PAFAH2: variants seen among roughly 807,000 people sequenced by gnomAD.
The protein encoded by PAFAH2 is platelet activating factor acetylhydrolase 2.
In PAFAH2, 42 loss-of-function variants were observed where a neutral mutation model predicts 49.0. The ratio of observed to expected loss-of-function variants is 0.86; its 90% confidence interval spans 0.67 to 1.11. The LOEUF (loss-of-function observed/expected upper bound fraction) is 1.11, where lower values mean the gene tolerates loss of function less well. Ranked by LOEUF, PAFAH2 falls within the 50% of genes least tolerant of loss-of-function variation. The pLI, the probability that PAFAH2 is intolerant of heterozygous loss-of-function variation, is 0.00. For synonymous variants in PAFAH2, 184 were observed against 181.3 expected, an observed-to-expected ratio of 1.01 and a Z score of -0.12; for missense variants, 503 against 501.8, an observed-to-expected ratio of 1.00 and a Z score of -0.02.
At chr1:25,984,577 G>T in intron 4 of PAFAH2, 49 bp from the exon 5 acceptor site, 1 of 1,433,734 alleles carries the variant, frequency 7.0e-7, no homozygotes, top group Non-Finnish European at 9.8e-7. Flanking sequence ...GAACAGCCCA[G>T]CCTTCACCCT....
Position 25,974,565 on chromosome 1 carries a change from T to C in PAFAH2, c.844A>G (p.Thr282Ala), listed in dbSNP as rs1269931053. 1 of 1,614,028 alleles carries C rather than the reference T, an allele frequency of 6.2e-7. No homozygotes were observed. Among genetic ancestry groups the C allele is most frequent in the Non-Finnish European group, 8.5e-7 (1 of 1,179,938 alleles). The change falls in exon 9 of 11, where the codon ACT (threonine) becomes GCT (alanine). Residue 282 changes from threonine (T) to alanine (A), a missense_variant. Thr to Ala is a moderately conservative substitution (Grantham distance 58, BLOSUM62 0). Coordinates refer to ENST00000374282, the MANE Select transcript of PAFAH2 (RefSeq NM_000437.4). Reference protein sequence around the residue: ...KARGPVFFINTEKFQTMESVN... With the variant: ...KARGPVFFINAEKFQTMESVN... ...CTCTCCATTGTCTGGAATTTCTCAG[T>C]ATTGATAAAGAACACAGGTCCTCGG... is the stretch of plus-strand genomic sequence containing the variant.
At chr1:25,983,778 C>G (rs377322795) in intron 6 of PAFAH2, among the ~76,000 whole-genome samples, 168 bp downstream of exon 6, 4 of 152,138 alleles carry the variant, frequency 2.6e-5, no homozygotes, top group Non-Finnish European at 4.4e-5. Context: ...TCTGTCACAG[C>G]AATTGCAAGA....
chr1:25,968,239 G>T (rs981834080), intron 10 of PAFAH2, among the ~76,000 whole-genome samples: 13 of 152,238 alleles, frequency 8.5e-5, no homozygotes, highest in African/African-American at 3.1e-4. Flanking sequence ...GCAGACAGAA[G>T]AGGATGGAAT....
chr1:25,972,489 T>C, intron 10 of PAFAH2, 69 bp downstream of exon 10: 1 of 1,518,162 alleles, frequency 6.6e-7, no homozygotes, highest in Non-Finnish European at 9.0e-7. Flanking sequence ...CATGTCAGAG[T>C]TCTCACTCTG....
intron 2 of PAFAH2, among the ~76,000 whole-genome samples, 175 bp from the exon 3 acceptor site, chr1:25,989,776 G>T (rs2049846981): frequency 6.6e-6 from 1 of 152,204 alleles, no homozygotes; most frequent in African/African-American, 2.4e-5. Flanking sequence ...GAAGCAATTT[G>T]ATTTTTAGCA....
chr1:25,994,902 A>G, intron 1 of PAFAH2, among the ~76,000 whole-genome samples: 1 of 152,214 alleles, frequency 6.6e-6, no homozygotes, highest in East Asian at 1.9e-4. Context: ...CTAATTGGCC[A>G]GAGTGAAGCT....
At position 25,988,283 on chromosome 1, in the gene PAFAH2, T is replaced by G; in HGVS notation, c.289A>C (p.Lys97Gln). 1.2e-6 allele frequency: 2 copies of G among 1,610,918 alleles called. No homozygotes were observed. The highest frequency in any genetic ancestry group is 1.7e-6 in the Non-Finnish European group (2 of 1,178,604). The change falls in exon 4 of 11, where the codon AAG becomes CAG. Residue 97 changes from lysine to glutamine, a missense_variant. Physicochemically the swap from Lys to Gln is moderately conservative, Grantham distance 53. Coordinates refer to ENST00000374282, the MANE Select transcript of PAFAH2 (RefSeq NM_000437.4). ...ATGATCAAGGGGTATCCAGAGTCCT[T>G]TGTCTTAAAGGGGCCATTCCAGCTA... Reference protein sequence around the residue: ...PVSWNGPFKTKDSGYPLIIFS... With the variant: ...PVSWNGPFKTQDSGYPLIIFS...
intron 1 of PAFAH2, among the ~76,000 whole-genome samples, chr1:25,996,570 AG>A (rs2049940012): frequency 6.6e-6 from 1 of 152,006 alleles, no homozygotes; most frequent in Non-Finnish European, 1.5e-5. Context: ...TGAACCCGGG[AG>A]GCGGAGCTTG....
chr1:25,980,781 GCCAAGGCAGGTGGA>G (rs1366445804), intron 7 of PAFAH2, among the ~76,000 whole-genome samples: 4 of 151,840 alleles, frequency 2.6e-5, no homozygotes, highest in Non-Finnish European at 5.9e-5. Context: ...ACTTTGTGAG[GCCAAGGCAGGTGGA>G]CTGCCTGGGC....
intron 10 of PAFAH2, 88 bp from the exon 11 acceptor site, chr1:25,962,171 G>T: frequency 2.8e-6 from 3 of 1,059,506 alleles, no homozygotes; most frequent in Non-Finnish European, 4.3e-6. Flanking sequence ...GGTCATCCTA[G>T]AGAGAGGAGC....
At chr1:25,966,097 T>C (rs183164356) in intron 10 of PAFAH2, among the ~76,000 whole-genome samples, 1,660 of 101,444 alleles carry the variant, frequency 0.016, 32 homozygotes, top group African/African-American at 0.04. Flanking sequence ...AGAATGGCCA[T>C]TATTAAAAAG....
At chr1:25,996,200 T>C (rs553734987) in intron 1 of PAFAH2, among the ~76,000 whole-genome samples, 204 of 149,792 alleles carry the variant, frequency 1.4e-3, no homozygotes, top group Non-Finnish European at 2.5e-3. Flanking sequence ...TATAAAAAAA[T>C]TAAAAAAAAA....
In PAFAH2 at chr1:25,984,069, G is replaced by T. The variant is rs1557525826; in HGVS notation, c.429C>A (p.Thr143=). 6.2e-7 allele frequency: 1 copy of T among 1,614,030 alleles called. No individual in the cohort carries two copies. The highest frequency in any genetic ancestry group is 8.5e-7 in the Non-Finnish European group (1 of 1,179,958). ...CTGGGGCCTGCTTGCAGAAATAGGT[G>T]GTTGCCGCTGACCGGTCCCTGAAAT... ...VPEHRDRSAA[T]TYFCKQAPEE... The change falls in exon 6 of 11, where the codon ACC becomes ACA. Residue 143 remains threonine, a synonymous_variant. Transcript: ENST00000374282.
intron 8 of PAFAH2, among the ~76,000 whole-genome samples, 195 bp downstream of exon 8, chr1:25,976,487 G>T (rs1007671913): frequency 6.6e-6 from 1 of 151,968 alleles, no homozygotes; most frequent in African/African-American, 2.4e-5. Flanking sequence ...TTTTATTATC[G>T]GTTGGCTTTT....
intron 4 of PAFAH2, 21 bp from the exon 5 acceptor site, chr1:25,984,549 A>G (rs1283411952): frequency 6.2e-7 from 1 of 1,601,706 alleles, no homozygotes; most frequent in East Asian, 2.2e-5. Flanking sequence ...AAAAAGGAAC[A>G]AGGAAAAGGG....
At chr1:25,977,653 CAAAAAAAAAAAA>C (rs534687608) in intron 7 of PAFAH2, among the ~76,000 whole-genome samples, 3 of 60,488 alleles carry the variant, frequency 5.0e-5, no homozygotes, top group African/African-American at 1.9e-4. Context: ...ACCCTGTCTC[CAAAAAAAAAAAA>C]AAAAAAAATC....
chr1:25,968,093 G>A (rs534507021), intron 10 of PAFAH2, among the ~76,000 whole-genome samples: 1 of 152,244 alleles, frequency 6.6e-6, no homozygotes, highest in East Asian at 1.9e-4. Flanking sequence ...TTGAACCTGG[G>A]AGCAGAGGTT....
At chr1:25,973,280 T>G (rs973862756) in intron 9 of PAFAH2, among the ~76,000 whole-genome samples, 6 of 152,194 alleles carry the variant, frequency 3.9e-5, no homozygotes, top group African/African-American at 7.2e-5. Flanking sequence ...AAATTTAATT[T>G]GCAGGTGAAA....
intron 1 of PAFAH2, among the ~76,000 whole-genome samples, chr1:25,992,490 T>A (rs547208131): frequency 6.6e-6 from 1 of 152,310 alleles, no homozygotes; most frequent in East Asian, 1.9e-4. Flanking sequence ...CCTCTTCAGT[T>A]TCATCATCTC....
Sources: gnomAD v4.1 joint callset for allele counts (sites outside exome capture counted in the v4.1 genomes callset) on GRCh38, gnomAD v4.1.1 for gene constraint, MANE v1.5 for transcripts, NCBI Gene and HGNC (gene_info 2026-07-23, HGNC 2026-07-21) for gene names.